Variants in OLA1 observed in about 807,000 individuals in gnomAD.
The protein encoded by OLA1 is Obg like ATPase 1.
Under a neutral mutation model 48.4 loss-of-function variants are expected in OLA1, and 14 were observed. The observed-to-expected ratio is 0.29, with a 90% CI of 0.19 to 0.45. The LOEUF is 0.45. OLA1 is among the 20% of genes least tolerant of loss of function. The pLI, the probability that OLA1 is intolerant of heterozygous loss-of-function variation, is 1.00. For synonymous variants in OLA1, 127 were observed against 150.4 expected (o/e 0.84, Z 1.14); for missense variants, 325 against 467.1 (o/e 0.70, Z 2.80).
At position 174,078,935 on chromosome 2, in the gene OLA1, T is replaced by C. The variant is rs529535775; in HGVS notation, c.1089+33A>G. The stretch of plus-strand genomic sequence containing the variant: ...GACTAACTTCGCATCAGTGGAAACA[T>C]TGTGAAATACAAAAATAAAAACAAT... On this transcript the variant is annotated intron_variant, in intron 10 of 10. Transcript: ENST00000284719. 32 of 1,584,608 alleles carry C rather than the reference T, an allele frequency of 2.0e-5. 1 individual carries two copies. The highest frequency in any genetic ancestry group is 2.3e-4 in the Middle Eastern group (1 of 4,264).
chr2:174,094,612 A>G (rs185651152), intron 7 of OLA1, among the ~76,000 whole-genome samples: 120 of 152,390 alleles, frequency 7.9e-4, no homozygotes, highest in African/African-American at 2.6e-3. Context: ...TTGGGAGTCC[A>G]GAAATAAATC....
chr2:174,219,179 A>G (rs906820888), intron 4 of OLA1, among the ~76,000 whole-genome samples: 3 of 151,632 alleles, frequency 2.0e-5, no homozygotes, highest in Non-Finnish European at 4.4e-5. Flanking sequence ...ACGGTGGCTC[A>G]TGACTGTAAT....
chr2:174,175,209 C>A (rs1687393089), intron 4 of OLA1, among the ~76,000 whole-genome samples: 1 of 150,616 alleles, frequency 6.6e-6, no homozygotes, highest in Admixed American at 6.6e-5. Context: ...GATTTCTGAA[C>A]CGGACACAAA....
At chr2:174,157,863 C>G (rs1686922647) in intron 4 of OLA1, among the ~76,000 whole-genome samples, 1 of 152,014 alleles carries the variant, frequency 6.6e-6, no homozygotes, top group East Asian at 1.9e-4. Flanking sequence ...ATGGTAGATG[C>G]CCTGAAACCA....
intron 7 of OLA1, among the ~76,000 whole-genome samples, chr2:174,099,445 C>T (rs1483580717): frequency 6.6e-6 from 1 of 152,172 alleles, no homozygotes; most frequent in South Asian, 2.1e-4. Flanking sequence ...TGAGCCACTG[C>T]GCCTGGCCGA....
chr2:174,168,945 G>A (rs1203730794), intron 4 of OLA1, among the ~76,000 whole-genome samples: 1 of 150,988 alleles, frequency 6.6e-6, no homozygotes, highest in Non-Finnish European at 1.5e-5. Flanking sequence ...ATATAAAATG[G>A]TTCAACATGC....
intron 4 of OLA1, among the ~76,000 whole-genome samples, chr2:174,150,086 G>A (rs999820861): frequency 6.6e-6 from 1 of 152,118 alleles, no homozygotes; most frequent in Non-Finnish European, 1.5e-5. Flanking sequence ...AATGTGTTCC[G>A]CGAAAGTTCA....
chr2:174,240,019 T>C (rs539525417), intron 2 of OLA1: 6 of 152,360 alleles, frequency 3.9e-5, no homozygotes, highest in South Asian at 2.1e-4. Context: ...CATTGTATTA[T>C]AGTTATAAAG....
chr2:174,119,982 C>G (rs1321321880), intron 7 of OLA1, among the ~76,000 whole-genome samples: 1 of 151,124 alleles, frequency 6.6e-6, no homozygotes, highest in Non-Finnish European at 1.5e-5. Context: ...CACACACAGT[C>G]TGCGTATCTA....
In OLA1 at chr2:174,227,820, G is replaced by A. The variant is rs1041694739; in HGVS notation, c.245+1488C>T. ...TGATAGAATTACAAAATCACCATGT[G>A]AGAATCCTCATAGTAAAAATTAATT... On this transcript the variant is annotated intron_variant, in intron 3 of 10. Coordinates refer to ENST00000284719, the MANE Select transcript of OLA1 (RefSeq NM_013341.5). Among the ~76,000 whole-genome samples, 11 of 152,278 alleles carry A rather than the reference G, an allele frequency of 7.2e-5. No individual in the cohort carries two copies. The East Asian group carries it at 1.5e-3, about 21-fold the overall frequency.
chr2:174,247,914 A>T, intron 1 of OLA1: 1 of 1,030,730 alleles, frequency 9.7e-7, no homozygotes, highest in South Asian at 1.6e-5. Flanking sequence ...AAGACCGCTA[A>T]GCTCACGTCT....
chr2:174,129,457 C>CAATAAATAAATAAATAAATA (rs199979448), intron 5 of OLA1, among the ~76,000 whole-genome samples: 2 of 140,704 alleles, frequency 1.4e-5, no homozygotes, highest in African/African-American at 5.2e-5. Context: ...GACTCCGTCT[C>CAATAAATAAATAAATAAATA]AATAAATAAA....
At chr2:174,182,629 G>A (rs1221455346) in intron 4 of OLA1, among the ~76,000 whole-genome samples, 2 of 152,104 alleles carry the variant, frequency 1.3e-5, no homozygotes, top group African/African-American at 4.8e-5. Flanking sequence ...TGACAGCAAT[G>A]GGCCACTTCA....
At chr2:174,104,589 C>T (rs757209750) in intron 7 of OLA1, among the ~76,000 whole-genome samples, 19 of 151,916 alleles carry the variant, frequency 1.3e-4, no homozygotes, top group Non-Finnish European at 2.2e-4. Flanking sequence ...TTGGCATATA[C>T]CAGCATAACT....
At chr2:174,203,929 G>A (rs964632461) in intron 4 of OLA1, among the ~76,000 whole-genome samples, 4 of 151,374 alleles carry the variant, frequency 2.6e-5, no homozygotes, top group Admixed American at 2.0e-4. Context: ...CGAGTAACTG[G>A]GATTACAGGT....
intron 7 of OLA1, among the ~76,000 whole-genome samples, chr2:174,109,050 T>C (rs1685580377): frequency 6.6e-6 from 1 of 152,184 alleles, no homozygotes; most frequent in South Asian, 2.1e-4. Flanking sequence ...GAACTACTAA[T>C]GCAACAATTA....
At chr2:174,076,420 G>C (rs115868641) in intron 10 of OLA1, among the ~76,000 whole-genome samples, 1 of 152,088 alleles carries the variant, frequency 6.6e-6, no homozygotes, top group African/African-American at 2.4e-5. Context: ...GGATCTTTTG[G>C]GGGAAATTCT....
chr2:174,174,589 AC>A (rs1297913560), intron 4 of OLA1, among the ~76,000 whole-genome samples: 1 of 152,046 alleles, frequency 6.6e-6, no homozygotes, highest in Non-Finnish European at 1.5e-5. Flanking sequence ...AATATTAAAC[AC>A]CTAGGGATAA....
intron 5 of OLA1, among the ~76,000 whole-genome samples, chr2:174,135,315 C>T (rs1686284977): frequency 6.6e-6 from 1 of 152,090 alleles, no homozygotes; most frequent in Admixed American, 6.6e-5. Context: ...AAACCCAAAT[C>T]ACAAAGAACT....
Sources: allele counts gnomAD v4.1 joint callset (sites outside exome capture counted in the v4.1 genomes callset), GRCh38; gene constraint gnomAD v4.1.1; transcripts MANE v1.5; gene names NCBI Gene and HGNC (gene_info 2026-07-23, HGNC 2026-07-21).